UBE4B: variants seen among roughly 807,000 people sequenced by gnomAD.
UBE4B encodes the protein ubiquitination factor E4B.
In UBE4B, 27 loss-of-function variants were observed where a neutral mutation model predicts 148.1. The observed-to-expected ratio is 0.18, with a 90% confidence interval of 0.13 to 0.25. The LOEUF is 0.25. Ranked by LOEUF, UBE4B falls within the 10% of genes least tolerant of loss-of-function variation. The pLI is 1.00. For synonymous variants in UBE4B, 596 were observed against 619.3 expected, an observed-to-expected ratio of 0.96 and a Z score of 0.56; for missense variants, 1,170 against 1,662.4, an observed-to-expected ratio of 0.70 and a Z score of 5.15.
At chr1:10,121,738 G>A (rs1466559347) in intron 9 of UBE4B, among the ~76,000 whole-genome samples, 2 of 152,028 alleles carry the variant, frequency 1.3e-5, no homozygotes, top group Non-Finnish European at 2.9e-5. Flanking sequence ...GCTCTATGTA[G>A]GAAAAGATGA....
chr1:10,179,908 A>C lies in UBE4B; in HGVS notation c.3861A>C (p.Lys1287Asn). 8 of 1,614,080 alleles carry C rather than the reference A, an allele frequency of 5.0e-6. No individual in the cohort carries two copies. The highest frequency in any genetic ancestry group is 6.8e-6 in the Non-Finnish European group (8 of 1,180,036). The change falls in exon 28 of 28, where the codon AAA (lysine) becomes AAC (asparagine). Residue 1287 changes from lysine (K) to asparagine (N), a missense_variant. By Grantham distance (94) the Lys-to-Asn change is moderately conservative. Coordinates refer to ENST00000343090, the MANE Select transcript of UBE4B (RefSeq NM_001105562.3). ...ESMLEPVPEL[K>N]EQIQAWMREK... is the part of the protein sequence containing the mutation. ...TTCTTTTCTCAGTGCCAGAACTGAAAGAGCAGATTCAGGCGTGGATGAGAG... is the reference window on the plus strand; with the variant it reads ...TTCTTTTCTCAGTGCCAGAACTGAACGAGCAGATTCAGGCGTGGATGAGAG...
chr1:10,042,793 G>A (rs1346013066), intron 1 of UBE4B, among the ~76,000 whole-genome samples: 1 of 152,126 alleles, frequency 6.6e-6, no homozygotes, highest in African/African-American at 2.4e-5. Flanking sequence ...TATGTGTAAC[G>A]TGTGCACTTT....
Position 10,180,097 on chromosome 1 carries a change from C to T in UBE4B, c.*141C>T, listed in dbSNP as rs190316525. 147 of 939,138 alleles carry T rather than the reference C, an allele frequency of 1.6e-4. 1 individual carries two copies. The East Asian group carries it at 1.6e-3, about 11-fold the overall frequency. The allele number at this position is 939,138 out of a possible 1,614,324, so 58.2% of individuals were successfully genotyped here. On this transcript the variant is annotated 3_prime_UTR_variant, in exon 28 of 28. Coordinates refer to ENST00000343090, the MANE Select transcript of UBE4B (RefSeq NM_001105562.3). ...CCCAGGCCCACCCAGAGCGAGCAAA[C>T]GCTGAGACCTGAAAGGACATGGATG...
At chr1:10,076,441 G>C (rs1343922081) in intron 2 of UBE4B, among the ~76,000 whole-genome samples, 1 of 151,580 alleles carries the variant, frequency 6.6e-6, no homozygotes, top group Admixed American at 6.6e-5. Flanking sequence ...ATGGGGTTTC[G>C]CCATGTTGGC....
At chr1:10,126,414 A>G (rs1293273733) in intron 10 of UBE4B, among the ~76,000 whole-genome samples, 2 of 152,254 alleles carry the variant, frequency 1.3e-5, no homozygotes, top group Non-Finnish European at 2.9e-5. Flanking sequence ...ATGCTTGGTA[A>G]TCAAGAACAT....
chr1:10,116,685 CAG>C (rs1645315071), intron 7 of UBE4B, among the ~76,000 whole-genome samples: 1 of 152,122 alleles, frequency 6.6e-6, no homozygotes, highest in African/African-American at 2.4e-5. Flanking sequence ...GTTTTTATCT[CAG>C]AGGATAGTTA....
rs1427246748 is a variant in UBE4B at position 10,152,970 on chromosome 1, CAGT to C, written c.2926+1412_2926+1414del. Reference sequence around the variant, plus strand: ...CAGTCCTCTGTGGAAGGCCCTTGGCCAGTAGGTGCTGGTGTCTCTCTCGGGGGT... The same window carrying C: ...CAGTCCTCTGTGGAAGGCCCTTGGCCAGGTGCTGGTGTCTCTCTCGGGGGT... On this transcript the variant is annotated intron_variant, in intron 21 of 27. Transcript: ENST00000343090. Among the ~76,000 whole-genome samples the C allele has an allele frequency of 3.3e-5, 5 of 149,400 alleles. No individual in the cohort carries two copies. The South Asian group carries it at 6.4e-4, about 19-fold the overall frequency.
chr1:10,178,325 A>G (rs1646456604), intron 25 of UBE4B, among the ~76,000 whole-genome samples: 1 of 152,132 alleles, frequency 6.6e-6, no homozygotes. Flanking sequence ...CTTTAAAAGA[A>G]ATGCGTGCTA....
chr1:10,154,343 G>A lies in UBE4B; in HGVS notation c.2926+2782G>A, dbSNP rs371559899. Among the ~76,000 whole-genome samples, 73 of 151,976 alleles carry A rather than the reference G, an allele frequency of 4.8e-4. 2 individuals carry two copies. The East Asian group carries it at 6.2e-3, about 13-fold the overall frequency. ...TGAGGCAGGAGAATAGCTTGAACCC[G>A]GGAGGTGGAGGTTGTAGTTAGCCGA... On this transcript the variant is annotated intron_variant, in intron 21 of 27. Coordinates refer to ENST00000343090, the MANE Select transcript of UBE4B (RefSeq NM_001105562.3).
rs191691081 is a variant in UBE4B at position 10,107,434 on chromosome 1, A to C, written c.1196+851A>C. 10 of 1,236,526 alleles carry C rather than the reference A, an allele frequency of 8.1e-6. No homozygotes were observed. The East Asian group carries it at 4.5e-4, about 56-fold the overall frequency. 76.6% of individuals were successfully genotyped at this position (1,236,526 alleles called of 1,614,324 possible). On this transcript the variant is annotated intron_variant, in intron 7 of 27. Transcript: ENST00000343090. ...CGTAGATGCTTAGGAACTAACTTCT[A>C]TAAGCTCTAACAAGGGGCGTGCTTT... is the stretch of plus-strand genomic sequence containing the variant.
chr1:10,104,058 C>T (rs1488212351), intron 5 of UBE4B, among the ~76,000 whole-genome samples: 3 of 152,174 alleles, frequency 2.0e-5, no homozygotes, highest in African/African-American at 7.2e-5. Flanking sequence ...CCGAGCCTGG[C>T]CTTACCTCCT....
intron 27 of UBE4B, 40 bp downstream of exon 27, chr1:10,179,602 G>A: frequency 1.9e-6 from 3 of 1,604,958 alleles, no homozygotes; most frequent in Non-Finnish European, 1.7e-6. Context: ...GCTGGCGTCA[G>A]TACCAAGAGA....
intron 2 of UBE4B, among the ~76,000 whole-genome samples, chr1:10,088,381 T>A (rs1644794549): frequency 6.6e-6 from 1 of 152,012 alleles, no homozygotes. Context: ...GTTTTTTAAA[T>A]TTATTTTATT....
At chr1:10,125,584 T>G (rs1439407148) in intron 10 of UBE4B, among the ~76,000 whole-genome samples, 1 of 152,244 alleles carries the variant, frequency 6.6e-6, no homozygotes, top group Non-Finnish European at 1.5e-5. Flanking sequence ...TCAAGTTTTC[T>G]AGTGGCTACA....
rs571752038 is a variant in UBE4B, at chr1:10,047,821, A to G, written c.24+14127A>G. ...TGTCATTACTTACATCTCCTTGGCTAGAGCTTAGTCTCCTGGCCACACTCA... is the reference window on the plus strand; with the variant it reads ...TGTCATTACTTACATCTCCTTGGCTGGAGCTTAGTCTCCTGGCCACACTCA... On this transcript the variant is annotated intron_variant, in intron 1 of 27. Coordinates refer to ENST00000343090, the MANE Select transcript of UBE4B (RefSeq NM_001105562.3). 2.0e-5 allele frequency among the ~76,000 whole-genome samples: 3 copies of G among 152,286 alleles called. No homozygotes were observed. In the South Asian group the frequency reaches 6.2e-4, roughly 32 times the overall value.
intron 22 of UBE4B, among the ~76,000 whole-genome samples, chr1:10,159,341 G>A (rs1331094552): frequency 2.0e-5 from 3 of 152,138 alleles, no homozygotes; most frequent in Non-Finnish European, 2.9e-5. Context: ...AAAGGGAGAT[G>A]AAGATGCTGA....
At chr1:10,046,339 G>A (rs1458162545) in intron 1 of UBE4B, among the ~76,000 whole-genome samples, 1 of 152,122 alleles carries the variant, frequency 6.6e-6, no homozygotes, top group Non-Finnish European at 1.5e-5. Context: ...GACAACCCCG[G>A]ATCAACTTCA....
chr1:10,173,559 G>A (rs564727600), intron 25 of UBE4B, among the ~76,000 whole-genome samples: 37 of 151,786 alleles, frequency 2.4e-4, no homozygotes, highest in Non-Finnish European at 3.1e-4. Context: ...ATATAATACT[G>A]CACTGATTTA....
At chr1:10,126,684 C>G (rs1645504183) in intron 10 of UBE4B, 110 bp from the exon 11 acceptor site, 1 of 936,734 alleles carries the variant, frequency 1.1e-6, no homozygotes, top group African/African-American at 1.7e-5. Context: ...AAGCTTTTCC[C>G]TGGGGAAGGA....
Sources: gnomAD v4.1 joint callset for allele counts (sites outside exome capture counted in the v4.1 genomes callset) on GRCh38, gnomAD v4.1.1 for gene constraint, MANE v1.5 for transcripts, NCBI Gene and HGNC (gene_info 2026-07-23, HGNC 2026-07-21) for gene names.